BICDL1: variants seen among roughly 807,000 people sequenced by gnomAD.
The protein encoded by BICDL1 is BICD family-like cargo adapter 1.
BICDL1 carries 20 observed loss-of-function variants against 76.8 expected under a neutral mutation model. The ratio of observed to expected loss-of-function variants is 0.26; its 90% confidence interval spans 0.18 to 0.38. The LOEUF (loss-of-function observed/expected upper bound fraction) is 0.38, where lower values mean the gene tolerates loss of function less well. Among genes scored for constraint, BICDL1 ranks in the 10% least tolerant of loss-of-function variants. The pLI is 1.00. For synonymous variants in BICDL1, 383 were observed against 337.1 expected (o/e 1.14, Z -1.49); for missense variants, 700 against 798.6 (o/e 0.88, Z 1.49).
intron 2 of BICDL1, among the ~76,000 whole-genome samples, chr12:120,040,011 G>T (rs1952606080): frequency 6.6e-6 from 1 of 152,128 alleles, no homozygotes; most frequent in Admixed American, 6.5e-5. Flanking sequence ...CAATTTTACT[G>T]GTAGAATGTC....
At chr12:120,074,646 G>A (rs1227426493) in intron 7 of BICDL1, 60 bp downstream of exon 7, 1 of 1,016,236 alleles carries the variant, frequency 9.8e-7, no homozygotes, top group Non-Finnish European at 1.2e-6. Flanking sequence ...GGCTCTCTTG[G>A]GACCCTTTTG....
At chr12:120,074,389 T>C in intron 6 of BICDL1, 54 bp from the exon 7 acceptor site, 1 of 1,025,660 alleles carries the variant, frequency 9.7e-7, no homozygotes, top group South Asian at 3.0e-5. Flanking sequence ...CCCCCTTCCC[T>C]ATCTCTCCTG....
At chr12:120,078,875 C>T (rs563737370) in intron 7 of BICDL1, among the ~76,000 whole-genome samples, 1 of 152,380 alleles carries the variant, frequency 6.6e-6, no homozygotes, top group African/African-American at 2.4e-5. Context: ...AAGGCCATGG[C>T]AGGGCTCATT....
chr12:120,015,673 C>T (rs1594117511), intron 2 of BICDL1, among the ~76,000 whole-genome samples: 1 of 152,192 alleles, frequency 6.6e-6, no homozygotes, highest in African/African-American at 2.4e-5. Context: ...CACAAGCCAG[C>T]TAAGCATATG....
intron 2 of BICDL1, among the ~76,000 whole-genome samples, chr12:120,046,295 A>T (rs2138831517): frequency 6.6e-6 from 1 of 152,248 alleles, no homozygotes; most frequent in Non-Finnish European, 1.5e-5. Context: ...GTCTGCTCTT[A>T]CTTACATTTA....
At chr12:120,027,155 C>T (rs947793526) in intron 2 of BICDL1, among the ~76,000 whole-genome samples, 7 of 151,296 alleles carry the variant, frequency 4.6e-5, no homozygotes, top group African/African-American at 9.7e-5. Context: ...CTCAGCCTCC[C>T]GAGTAGCTGG....
At chr12:119,991,286 G>A (rs1951517931) in intron 1 of BICDL1, among the ~76,000 whole-genome samples, 1 of 152,212 alleles carries the variant, frequency 6.6e-6, no homozygotes, top group African/African-American at 2.4e-5. Flanking sequence ...GTACAGACCT[G>A]AATGAGGTTT....
intron 7 of BICDL1, among the ~76,000 whole-genome samples, chr12:120,078,198 T>A (rs561743929): frequency 6.6e-6 from 1 of 152,316 alleles, no homozygotes; most frequent in Non-Finnish European, 1.5e-5. Flanking sequence ...CACCCCTGTC[T>A]CTGTCTTGTC....
At chr12:120,021,015 G>A (rs1952168415) in intron 2 of BICDL1, among the ~76,000 whole-genome samples, 1 of 152,212 alleles carries the variant, frequency 6.6e-6, no homozygotes, top group African/African-American at 2.4e-5. Context: ...GTCTCGTGGT[G>A]TCTACACCTG....
chr12:120,024,182 GAGAC>G (rs1952241842), intron 2 of BICDL1, among the ~76,000 whole-genome samples: 1 of 152,072 alleles, frequency 6.6e-6, no homozygotes, highest in South Asian at 2.1e-4. Context: ...TCAGGAAACT[GAGAC>G]AGGAGAATCA....
chr12:120,045,432 G>C (rs1158215324), intron 2 of BICDL1, among the ~76,000 whole-genome samples: 1 of 151,920 alleles, frequency 6.6e-6, no homozygotes, highest in East Asian at 1.9e-4. Context: ...TATACCCAAA[G>C]GACTATAAAT....
chr12:120,008,146 CTT>C (rs1293897492), intron 2 of BICDL1, among the ~76,000 whole-genome samples: 1 of 131,184 alleles, frequency 7.6e-6, no homozygotes, highest in Non-Finnish European at 1.6e-5. Context: ...GATAATTACT[CTT>C]TCTTTTTTTT....
chr12:119,993,852 G>C (rs770906710), intron 1 of BICDL1, among the ~76,000 whole-genome samples: 6 of 152,050 alleles, frequency 3.9e-5, no homozygotes, highest in Admixed American at 6.6e-5. Context: ...CTGACCTCAG[G>C]TGATCCTCCC....
In BICDL1 at chr12:120,094,400, A is replaced by G; in HGVS notation, c.*1239A>G. ...CATGTATGGATTTTATAATATACAT[A>G]TATAAAAATCTATAAAGGCATATTT... On this transcript the variant is annotated 3_prime_UTR_variant, in exon 10 of 10. Coordinates refer to ENST00000548673, the MANE Select transcript of BICDL1 (RefSeq NM_001367886.1). 1 of 379,586 alleles carries G rather than the reference A, an allele frequency of 2.6e-6. No individual in the cohort carries two copies. The highest frequency in any genetic ancestry group is 5.4e-6 in the Non-Finnish European group (1 of 185,476). 23.5% of individuals were successfully genotyped at this position (379,586 alleles called of 1,614,324 possible).
chr12:120,016,423 A>G (rs1952062131), intron 2 of BICDL1, among the ~76,000 whole-genome samples: 1 of 136,086 alleles, frequency 7.3e-6, no homozygotes, highest in Non-Finnish European at 1.6e-5. Context: ...GCTATATGGT[A>G]TGTCTGTAAC....
intron 2 of BICDL1, among the ~76,000 whole-genome samples, chr12:120,052,048 C>T (rs182247758): frequency 1.1e-3 from 173 of 152,182 alleles, no homozygotes; most frequent in African/African-American, 4.1e-3. Flanking sequence ...TCATGTGATT[C>T]TCCTGCCTCA....
rs949906586 is a variant in BICDL1, at chr12:120,090,112, G to A, written c.1704+41G>A. The A allele has an allele frequency of 3.1e-6, 5 of 1,607,470 alleles. No individual in the cohort carries two copies. The South Asian group carries it at 4.4e-5, about 14-fold the overall frequency. ...AGATCCAGGGCGAGAGGAGACTCCAGGAGGAATCTCTGAACCCAGGCAGAG... is the reference window on the plus strand; with the variant it reads ...AGATCCAGGGCGAGAGGAGACTCCAAGAGGAATCTCTGAACCCAGGCAGAG... On this transcript the variant is annotated intron_variant, in intron 9 of 9. Transcript: ENST00000548673.
intron 1 of BICDL1, among the ~76,000 whole-genome samples, chr12:119,995,128 A>T (rs910604847): frequency 6.6e-6 from 1 of 152,200 alleles, no homozygotes; most frequent in African/African-American, 2.4e-5. Flanking sequence ...CTAAAATACT[A>T]TATAACCCTG....
chr12:120,014,919 G>T (rs953143788), intron 2 of BICDL1, among the ~76,000 whole-genome samples: 1 of 151,894 alleles, frequency 6.6e-6, no homozygotes, highest in Admixed American at 6.6e-5. Flanking sequence ...AGAATCCTTT[G>T]TTTGAAAAAA....
Sources: gnomAD v4.1 joint callset for allele counts (sites outside exome capture counted in the v4.1 genomes callset) on GRCh38, gnomAD v4.1.1 for gene constraint, MANE v1.5 for transcripts, NCBI Gene and HGNC (gene_info 2026-07-23, HGNC 2026-07-21) for gene names.